The following ABHD3 variants were observed in gnomAD, a reference collection of about 807,000 sequenced individuals.
ABHD3 encodes phospholipase ABHD3.
ABHD3 carries 46 observed loss-of-function variants against 48.8 expected under a neutral mutation model. The observed-to-expected ratio is 0.94, with a 90% CI of 0.74 to 1.20. The LOEUF is 1.20. Ranked by LOEUF, ABHD3 falls within the 50% of genes most tolerant of loss-of-function variation. ABHD3 has a pLI of 0.00. For missense variants in ABHD3, 490 were observed against 497.8 expected, an observed-to-expected ratio of 0.98 and a Z score of 0.15; for synonymous variants, 192 against 183.7, an observed-to-expected ratio of 1.04 and a Z score of -0.36.
chr18:21,681,512 CCCAGCCTCCAGCCT>C (rs995735680), intron 4 of ABHD3, among the ~76,000 whole-genome samples: 3 of 152,106 alleles, frequency 2.0e-5, no homozygotes, highest in Non-Finnish European at 4.4e-5. Context: ...TAACTGGCCT[CCCAGCCTCCAGCCT>C]CCAGCCTCCT....
rs746500953 is a variant in ABHD3 at position 21,702,422 on chromosome 18, C to T, written c.403G>A (p.Asp135Asn). ...FDNDNSTCYM[D>N]ASTRPTILLL... Reference sequence around the variant, plus strand: ...AAGATAGTAGGTCTGGTGCTGGCATCCATATAACACGTACTGTTATCATTA... The same window carrying T: ...AAGATAGTAGGTCTGGTGCTGGCATTCATATAACACGTACTGTTATCATTA... Residue 135 changes from aspartate (D) to asparagine (N), a missense_variant, in exon 3 of 9, where the codon GAT becomes AAT. Transcript: ENST00000289119. 1 of 1,613,824 alleles carries T rather than the reference C, an allele frequency of 6.2e-7. No homozygotes were observed. The highest frequency in any genetic ancestry group is 2.2e-5 in the East Asian group (1 of 44,872).
At chr18:21,688,252 T>C (rs2040172040) in intron 3 of ABHD3, among the ~76,000 whole-genome samples, 1 of 152,232 alleles carries the variant, frequency 6.6e-6, no homozygotes, top group African/African-American at 2.4e-5. Flanking sequence ...TCTGTAATTT[T>C]ATCAGGCAAT....
At position 21,702,406 on chromosome 18, in the gene ABHD3, G is replaced by C; in HGVS notation, c.419C>G (p.Pro140Arg). The C allele has an allele frequency of 6.2e-7, 1 of 1,613,920 alleles. No homozygotes were observed. Residue 140 changes from proline to arginine, a missense_variant, in exon 3 of 9, where the codon CCT (proline) becomes CGT (arginine). Physicochemically the swap from Pro to Arg is moderately radical, Grantham distance 103. Coordinates refer to ENST00000289119, the MANE Select transcript of ABHD3 (RefSeq NM_138340.5). ...GAGGCCAGGCAACAATAAGATAGTA[G>C]GTCTGGTGCTGGCATCCATATAACA... ...STCYMDASTR[P>R]TILLLPGLTG...
At chr18:21,677,464 C>A (rs934667434) in intron 4 of ABHD3, among the ~76,000 whole-genome samples, 2 of 151,948 alleles carry the variant, frequency 1.3e-5, no homozygotes, top group Non-Finnish European at 2.9e-5. Flanking sequence ...CTGGGCACTC[C>A]CAAAGTGCTG....
chr18:21,684,540 C>A (rs1312031733), intron 3 of ABHD3, among the ~76,000 whole-genome samples: 2 of 151,948 alleles, frequency 1.3e-5, no homozygotes, highest in African/African-American at 4.8e-5. Flanking sequence ...CCAGGCTGGT[C>A]TTGAACTCCT....
rs371428515 is a variant in ABHD3 at position 21,691,266 on chromosome 18, C to T, written c.510-7301G>A. 7.2e-5 allele frequency among the ~76,000 whole-genome samples: 11 copies of T among 152,130 alleles called. No homozygotes were observed. The East Asian group carries it at 7.7e-4, about 11-fold the overall frequency. On this transcript the variant is annotated intron_variant, in intron 3 of 8. Coordinates refer to ENST00000289119, the MANE Select transcript of ABHD3 (RefSeq NM_138340.5). Reference sequence around the variant, plus strand: ...ATGTGTATGTGTCTAACAGAGCTTCCGTATACATGAAGCAAAATTAATAGA... The same window carrying T: ...ATGTGTATGTGTCTAACAGAGCTTCTGTATACATGAAGCAAAATTAATAGA...
At chr18:21,675,081 G>A (rs2039847331) in intron 4 of ABHD3, among the ~76,000 whole-genome samples, 1 of 152,024 alleles carries the variant, frequency 6.6e-6, no homozygotes, top group African/African-American at 2.4e-5. Context: ...TCCTCTCTCT[G>A]AAAACCCTCC....
At chr18:21,692,527 TA>T (rs5823306) in intron 3 of ABHD3, among the ~76,000 whole-genome samples, 28,495 of 152,042 alleles carry the variant, frequency 0.19, 3,231 homozygotes, top group East Asian at 0.41. Flanking sequence ...TGAATTTTTT[TA>T]AAAAAAGAAT....
At chr18:21,653,872 A>C in intron 8 of ABHD3, among the ~76,000 whole-genome samples, 1 of 145,892 alleles carries the variant, frequency 6.9e-6, no homozygotes, top group Non-Finnish European at 1.5e-5. Context: ...ATGGAATTTC[A>C]CTGTTGTTGC....
rs1035783368 is a variant in ABHD3, at chr18:21,685,271, T to C, written c.510-1306A>G. Among the ~76,000 whole-genome samples the C allele has an allele frequency of 3.3e-5, 5 of 152,230 alleles. 1 individual carries two copies. Among genetic ancestry groups the C allele is most frequent in the Admixed American group, 3.3e-4 (5 of 15,280 alleles). ...GTGCTGCTGAGCACTGTACAGGTTC[T>C]AAGCAACAAAGAACCTACTGCTGTA... On this transcript the variant is annotated intron_variant, in intron 3 of 8. Coordinates refer to ENST00000289119, the MANE Select transcript of ABHD3 (RefSeq NM_138340.5).
At position 21,664,012 on chromosome 18, in the gene ABHD3, C is replaced by T. The variant is rs2039563464; in HGVS notation, c.668+106G>A. ...ATAAAATATGATAAACATAATCAGA[C>T]ATTTATTTAAAAAGTGTCCATACAG... is the stretch of plus-strand genomic sequence containing the variant. On this transcript the variant is annotated intron_variant, in intron 5 of 8. Coordinates refer to ENST00000289119, the MANE Select transcript of ABHD3 (RefSeq NM_138340.5). 5.5e-6 allele frequency: 8 copies of T among 1,442,292 alleles called. No homozygotes were observed. In the Admixed American group the frequency reaches 2.2e-4, roughly 39 times the overall value. 89.3% of individuals were successfully genotyped at this position (1,442,292 alleles called of 1,614,324 possible).
intron 4 of ABHD3, among the ~76,000 whole-genome samples, chr18:21,676,518 G>A (rs368250300): frequency 1.3e-5 from 2 of 152,164 alleles, no homozygotes; most frequent in African/African-American, 4.8e-5. Context: ...AGCCTCCCAA[G>A]TAACTGGGAT....
At chr18:21,693,840 T>C (rs759837349) in intron 3 of ABHD3, among the ~76,000 whole-genome samples, 4 of 152,228 alleles carry the variant, frequency 2.6e-5, no homozygotes, top group Non-Finnish European at 4.4e-5. Flanking sequence ...TAAAATGATT[T>C]CTTATCTAAG....
At position 21,671,826 on chromosome 18, in the gene ABHD3, G is replaced by T. The variant is rs543221154; in HGVS notation, c.556-7596C>A. On this transcript the variant is annotated intron_variant, in intron 4 of 8. Coordinates refer to ENST00000289119, the MANE Select transcript of ABHD3 (RefSeq NM_138340.5). Reference sequence around the variant, plus strand: ...TATCATTATTATTTTTTATAGAAATGAGGTCTCACTATTTTGCTCAGGCTG... The same window carrying T: ...TATCATTATTATTTTTTATAGAAATTAGGTCTCACTATTTTGCTCAGGCTG... Among the ~76,000 whole-genome samples the T allele has an allele frequency of 3.3e-5, 5 of 152,100 alleles. No homozygotes were observed. In the South Asian group the frequency reaches 1.0e-3, roughly 32 times the overall value.
intron 8 of ABHD3, 72 bp downstream of exon 8, chr18:21,656,789 A>G: frequency 6.0e-6 from 8 of 1,332,602 alleles, no homozygotes; most frequent in Non-Finnish European, 8.1e-6. Flanking sequence ...TCTTATTACT[A>G]TATTTCCTTA....
chr18:21,679,510 A>G (rs2039959979), intron 4 of ABHD3, among the ~76,000 whole-genome samples: 1 of 152,228 alleles, frequency 6.6e-6, no homozygotes. Context: ...GGGTTATAAA[A>G]AACTTTTTTT....
chr18:21,681,422 A>G (rs1309265462), intron 4 of ABHD3, among the ~76,000 whole-genome samples: 2 of 151,916 alleles, frequency 1.3e-5, no homozygotes, highest in African/African-American at 4.8e-5. Flanking sequence ...AATACTACTC[A>G]TTTTTGTTCT....
chr18:21,702,235 A>G, intron 3 of ABHD3, 81 bp downstream of exon 3: 1 of 1,265,830 alleles, frequency 7.9e-7, no homozygotes, highest in South Asian at 1.8e-5. Flanking sequence ...AGTACTAAGT[A>G]TTTCTGAAAC....
intron 4 of ABHD3, among the ~76,000 whole-genome samples, chr18:21,668,030 A>G (rs920632373): frequency 6.6e-6 from 1 of 151,420 alleles, no homozygotes; most frequent in African/African-American, 2.4e-5. Context: ...GTGAAACCCC[A>G]TCTCTACTAA....
Sources: allele counts gnomAD v4.1 joint callset (sites outside exome capture counted in the v4.1 genomes callset), GRCh38; gene constraint gnomAD v4.1.1; transcripts MANE v1.5; gene names NCBI Gene and HGNC (gene_info 2026-07-23, HGNC 2026-07-21).